Variants in AKAP9 observed in about 807,000 individuals in gnomAD.
AKAP9 encodes the protein A-kinase anchor protein 9.
In AKAP9, 311 loss-of-function variants were observed where a neutral mutation model predicts 488.5. That is an observed-to-expected ratio of 0.64 (90% CI 0.58 to 0.70). AKAP9 has a LOEUF of 0.70. AKAP9 is among the 30% of genes least tolerant of loss of function. The probability of loss-of-function intolerance (pLI) is 0.00; values close to 1 mark genes in which losing one functional copy is unlikely to be tolerated. For synonymous variants in AKAP9, 1,462 were observed against 1,483.5 expected (o/e 0.99, Z 0.33); for missense variants, 4,215 against 4,374.5 (o/e 0.96, Z 1.03).
At chr7:92,058,063 A>G (rs1809098107) in intron 22 of AKAP9, 1 of 413,228 alleles carries the variant, frequency 2.4e-6, no homozygotes, top group South Asian at 2.5e-5. Context: ...TAAAAAAGAA[A>G]CTTTTTATAC....
intron 22 of AKAP9, among the ~76,000 whole-genome samples, chr7:92,054,287 C>G (rs1009378186): frequency 4.6e-5 from 7 of 152,072 alleles, no homozygotes; most frequent in Admixed American, 2.0e-4. Context: ...TTATATTCCA[C>G]TTTCCTCTTC....
rs1206811077 is a variant in AKAP9, at chr7:91,941,158, C to T, written c.48+11C>T. The T allele has an allele frequency of 3.7e-6, 6 of 1,613,448 alleles. No individual in the cohort carries two copies. In the African/African-American group the frequency reaches 6.7e-5, roughly 18 times the overall value. ...GCCGGCAAAGCCAAGGTAGGAGAGC[C>T]CGAGGCAACCGGGCCTGCGGTGGGA... On this transcript the variant is annotated intron_variant, in intron 1 of 49. Coordinates refer to ENST00000356239, the MANE Select transcript of AKAP9 (RefSeq NM_005751.5).
rs1805980437 is a variant in AKAP9 at position 92,040,837 on chromosome 7, A to G, written c.4856A>G (p.Gln1619Arg). 6.2e-7 allele frequency: 1 copy of G among 1,614,096 alleles called. No homozygotes were observed. The highest frequency in any genetic ancestry group is 2.2e-5 in the East Asian group (1 of 44,862). Residue 1619 changes from glutamine to arginine, a missense_variant, in exon 18 of 50, where the codon CAG (glutamine) becomes CGG (arginine). By Grantham distance (43) the Gln-to-Arg change is conservative. This residue lies in a region of AKAP9 where 2,361 missense variants were observed against 2,430.0 expected (regional missense o/e 0.97). Transcript: ENST00000356239. ...GCACATATGCGGCAAATGGAGAGAC[A>G]GCGAGAAGACCAGGAACAGCTACAA... ...RQAHMRQMER[Q>R]REDQEQLQEE...
Position 92,083,367 on chromosome 7 carries a change from G to A in AKAP9, c.8358G>A (p.Leu2786=), listed in dbSNP as rs761088888. 7.4e-6 allele frequency: 12 copies of A among 1,614,008 alleles called. No individual in the cohort carries two copies. The East Asian group carries it at 2.7e-4, about 36-fold the overall frequency. Residue 2786 remains leucine, a synonymous_variant, in exon 33 of 50, where the codon CTG becomes CTA. Coordinates refer to ENST00000356239, the MANE Select transcript of AKAP9 (RefSeq NM_005751.5). ...KSIASQTDGT[L]KISSSNQTPQ... ...TTGCATCCCAGACAGATGGGACTCT[G>A]AAGATCAGTAGCAGCAATCAGACTC...
chr7:92,046,376 G>A (rs1032058035), intron 21 of AKAP9, among the ~76,000 whole-genome samples: 1 of 152,132 alleles, frequency 6.6e-6, no homozygotes, highest in Admixed American at 6.5e-5. Context: ...TAATTTTTGA[G>A]AGAATTCTGT....
In AKAP9 at chr7:92,016,479, G is replaced by T. The variant is rs57098452; in HGVS notation, c.3751+212G>T. 0.033 allele frequency among the ~76,000 whole-genome samples: 5,080 copies of T among 152,002 alleles called. 296 individuals carry two copies. The highest frequency in any genetic ancestry group is 0.11 in the African/African-American group (4,761 of 41,442). ...TGGTGATATGAATATAATTGGAGCT[G>T]TCCACTATTGTCTGTCCTCTGTCTC... On this transcript the variant is annotated intron_variant, in intron 11 of 49. Transcript: ENST00000356239.
chr7:92,093,422 G>T (rs1337728439), intron 39 of AKAP9, 106 bp downstream of exon 39: 15 of 946,316 alleles, frequency 1.6e-5, no homozygotes, highest in Non-Finnish European at 1.8e-5. Context: ...TATTTAAATA[G>T]CATGCAACTG....
intron 48 of AKAP9, among the ~76,000 whole-genome samples, chr7:92,108,110 AGG>A (rs1818823587): frequency 6.6e-6 from 1 of 152,208 alleles, no homozygotes; most frequent in African/African-American, 2.4e-5. Context: ...CTGATTTCCA[AGG>A]GTATAGCAAA....
Position 92,001,102 on chromosome 7 carries a change from A to G in AKAP9, c.1185A>G (p.Lys395=), listed in dbSNP as rs1355598014. The G allele has an allele frequency of 1.2e-6, 2 of 1,613,952 alleles. No homozygotes were observed. Among genetic ancestry groups the G allele is most frequent in the East Asian group, 4.5e-5 (2 of 44,860 alleles). ...QKERQSSEEI[K]QLMGTVEELQ... is the part of the protein sequence containing the mutation. The stretch of plus-strand genomic sequence containing the variant: ...AAAGACAGTCTTCTGAAGAAATAAA[A>G]CAGTTAATGGGGACAGTCGAAGAAC... The change falls in exon 8 of 50, where the codon AAA becomes AAG. Residue 395 remains lysine, a synonymous_variant. Transcript: ENST00000356239.
chr7:91,994,692 A>G lies in AKAP9; in HGVS notation c.648A>G (p.Gln216=). 1 of 1,613,532 alleles carries G rather than the reference A, an allele frequency of 6.2e-7. No homozygotes were observed. The highest frequency in any genetic ancestry group is 8.5e-7 in the Non-Finnish European group (1 of 1,179,704). The change falls in exon 6 of 50, where the codon CAA becomes CAG. Residue 216 remains glutamine (Q), a synonymous_variant. Coordinates refer to ENST00000356239, the MANE Select transcript of AKAP9 (RefSeq NM_005751.5). ...CCCAGCTCACTGCTAATTTACAACA[A>G]GCAAGAAGAGAAAAGGATGAGACAA... ...IITQLTANLQ[Q]ARREKDETMR... is the part of the protein sequence containing the mutation.
chr7:91,971,909 A>G (rs368248564), intron 1 of AKAP9, among the ~76,000 whole-genome samples: 6 of 147,102 alleles, frequency 4.1e-5, no homozygotes, highest in African/African-American at 1.3e-4. Context: ...TATTTATTCT[A>G]GTCTTCTCTG....
intron 14 of AKAP9, among the ~76,000 whole-genome samples, chr7:92,027,633 ATGTGAGGAGCGCCTCTGCCTGGCCG>A (rs1803519581): frequency 3.3e-5 from 4 of 122,904 alleles, no homozygotes; most frequent in Admixed American, 1.6e-4. Flanking sequence ...CCCGTCTGGG[ATGTGAGGAGCGCCTCTGCCTGGCCG>A]CCCCGTCTGG....
intron 11 of AKAP9, 43 bp downstream of exon 11, chr7:92,016,310 T>G: frequency 7.5e-7 from 1 of 1,331,074 alleles, no homozygotes; most frequent in Non-Finnish European, 1.0e-6. Flanking sequence ...TTTAATCCTC[T>G]TAAATTAATT....
At chr7:91,983,744 A>C (rs1335207956) in intron 3 of AKAP9, among the ~76,000 whole-genome samples, 1 of 152,190 alleles carries the variant, frequency 6.6e-6, no homozygotes, top group Non-Finnish European at 1.5e-5. Flanking sequence ...ACTAGTTTAC[A>C]CTCCCACAAA....
chr7:92,038,611 A>G lies in AKAP9; in HGVS notation c.4531A>G (p.Lys1511Glu). The G allele has an allele frequency of 6.2e-7, 1 of 1,613,900 alleles. No individual in the cohort carries two copies. The highest frequency in any genetic ancestry group is 8.5e-7 in the Non-Finnish European group (1 of 1,179,906). Reference protein sequence around the residue: ...QTFETVDVKFKEEFKPLSKEL... With the variant: ...QTFETVDVKFEEEFKPLSKEL... ...TTTTGAGACAGTGGATGTGAAATTT[A>G]AAGAAGAATTTAAACCACTTAGTAA... The change falls in exon 17 of 50, where the codon AAA becomes GAA. Residue 1511 changes from lysine to glutamate, a missense_variant. Transcript: ENST00000356239.
chr7:92,032,640 T>C, intron 16 of AKAP9, among the ~76,000 whole-genome samples: 1 of 152,052 alleles, frequency 6.6e-6, no homozygotes, highest in East Asian at 1.9e-4. Flanking sequence ...TGGTAGGATA[T>C]AAAGGAAATA....
rs2130666228 is a variant in AKAP9, at chr7:92,001,774, A to G, written c.1857A>G (p.Glu619=). ...TAGACAGAATGGCTGAATCACAAGA[A>G]GCTGAATTAGAGAGGCTGAGAACAC... ...AVLDRMAESQ[E]AELERLRTQL... is the part of the protein sequence containing the mutation. Residue 619 remains glutamate (E), a synonymous_variant, in exon 8 of 50, where the codon GAA becomes GAG. Transcript: ENST00000356239. The G allele has an allele frequency of 6.2e-7, 1 of 1,613,530 alleles. No homozygotes were observed. Among genetic ancestry groups the G allele is most frequent in the Non-Finnish European group, 8.5e-7 (1 of 1,179,784 alleles).
chr7:92,070,385 GT>G (rs1180350336), intron 27 of AKAP9, among the ~76,000 whole-genome samples, 179 bp downstream of exon 27: 2 of 146,938 alleles, frequency 1.4e-5, no homozygotes, highest in Non-Finnish European at 1.5e-5. Flanking sequence ...GAAGGGAAGA[GT>G]TTTTTGTTGT....
intron 8 of AKAP9, among the ~76,000 whole-genome samples, chr7:92,010,336 C>G (rs140609922): frequency 1.4e-4 from 22 of 152,338 alleles, no homozygotes; most frequent in African/African-American, 4.8e-4. Flanking sequence ...TTTGATCATT[C>G]GCAGGACTGC....
Sources: allele counts gnomAD v4.1 joint callset (sites outside exome capture counted in the v4.1 genomes callset), GRCh38; gene constraint gnomAD v4.1.1; regional missense constraint gnomAD v4.1.1; transcripts MANE v1.5; gene names NCBI Gene and HGNC (gene_info 2026-07-23, HGNC 2026-07-21).